FHOD3: variants seen among roughly 807,000 people sequenced by gnomAD.
The protein encoded by FHOD3 is FH1/FH2 domain-containing protein 3.
A neutral mutation model predicts 173.0 loss-of-function variants in FHOD3; 90 were observed. The observed-to-expected ratio is 0.52, with a 90% CI of 0.44 to 0.62. The LOEUF (loss-of-function observed/expected upper bound fraction) is 0.62. Ranked by LOEUF, FHOD3 falls within the 20% of genes least tolerant of loss-of-function variation. The probability of loss-of-function intolerance (pLI) is 0.00; values close to 1 mark genes in which losing one functional copy is unlikely to be tolerated. For synonymous variants in FHOD3, 828 were observed against 823.0 expected (o/e 1.01, Z -0.10); for missense variants, 1,945 against 2,034.7 (o/e 0.96, Z 0.85).
Position 36,345,501 on chromosome 18 carries a change from C to T in FHOD3, c.166-10038C>T, listed in dbSNP as rs11665026. On this transcript the variant is annotated intron_variant, in intron 1 of 28. Transcript: ENST00000590592. ...TTGCCCAGGCTAGAGTGCAGTGGCA[C>T]GATCATAGCTGACTGCAACCTTGAA... 7.5e-3 allele frequency among the ~76,000 whole-genome samples: 1,147 copies of T among 152,218 alleles called. 11 individuals carry two copies. Among genetic ancestry groups the T allele is most frequent in the Middle Eastern group, 0.024 (7 of 294 alleles).
At chr18:36,615,550 G>A (rs949176519) in intron 9 of FHOD3, among the ~76,000 whole-genome samples, 2 of 152,120 alleles carry the variant, frequency 1.3e-5, no homozygotes, top group Admixed American at 1.3e-4. Flanking sequence ...AATCTTATTA[G>A]CAAACATGTT....
intron 7 of FHOD3, 136 bp downstream of exon 7, chr18:36,595,034 T>A: frequency 1.7e-6 from 1 of 597,484 alleles, no homozygotes; most frequent in Non-Finnish European, 2.9e-6. Context: ...GCAAGAAACG[T>A]TTTTTAGGAT....
intron 3 of FHOD3, among the ~76,000 whole-genome samples, chr18:36,452,185 C>G (rs1164310989): frequency 1.3e-5 from 2 of 152,104 alleles, no homozygotes; most frequent in Non-Finnish European, 2.9e-5. Context: ...TGCTGGGTAT[C>G]TTAAGACTTT....
chr18:36,298,026 CCCCCTGG>C, intron 1 of FHOD3, 26 bp downstream of exon 1: 2 of 1,481,956 alleles, frequency 1.3e-6, no homozygotes, highest in Non-Finnish European at 1.8e-6. Flanking sequence ...GTGGGCTGGG[CCCCCTGG>C]ACTCAGCCCC....
At chr18:36,482,854 C>CAGAGAGAG (rs1405818047) in intron 3 of FHOD3, among the ~76,000 whole-genome samples, 31 of 97,892 alleles carry the variant, frequency 3.2e-4, no homozygotes, top group African/African-American at 1.2e-3. Flanking sequence ...CACTCACACA[C>CAGAGAGAG]ACACAGAGAG....
At chr18:36,587,820 G>T (rs1379083725) in intron 6 of FHOD3, among the ~76,000 whole-genome samples, 3 of 152,130 alleles carry the variant, frequency 2.0e-5, no homozygotes, top group African/African-American at 4.8e-5. Context: ...ACTATTTATT[G>T]TTATTTTTAA....
At chr18:36,662,570 G>A (rs928556262) in intron 14 of FHOD3, among the ~76,000 whole-genome samples, 1 of 152,196 alleles carries the variant, frequency 6.6e-6, no homozygotes, top group Non-Finnish European at 1.5e-5. Flanking sequence ...CTTGGGAATT[G>A]TCTTTCTCAT....
chr18:36,338,245 A>G (rs922050556), intron 1 of FHOD3, among the ~76,000 whole-genome samples: 3 of 152,206 alleles, frequency 2.0e-5, no homozygotes, highest in Admixed American at 1.3e-4. Context: ...CCAGATATGT[A>G]GCAGAAATGA....
chr18:36,439,725 A>AT (rs2051027591), intron 3 of FHOD3, among the ~76,000 whole-genome samples: 1 of 152,130 alleles, frequency 6.6e-6, no homozygotes, highest in South Asian at 2.1e-4. Flanking sequence ...ACCTCTCAGT[A>AT]TGAGGCCATA....
intron 19 of FHOD3, among the ~76,000 whole-genome samples, chr18:36,719,419 A>G (rs1341694475): frequency 7.7e-6 from 1 of 130,298 alleles, no homozygotes; most frequent in African/African-American, 2.9e-5. Context: ...GTTAATTTAC[A>G]CTGATAAACT....
chr18:36,378,381 T>C (rs2047552529), intron 3 of FHOD3, among the ~76,000 whole-genome samples: 4 of 152,136 alleles, frequency 2.6e-5, no homozygotes, highest in Admixed American at 2.6e-4. Flanking sequence ...CCTCACATCA[T>C]CTGTTTCCCA....
At chr18:36,604,335 G>A (rs2031813286) in intron 8 of FHOD3, among the ~76,000 whole-genome samples, 1 of 152,170 alleles carries the variant, frequency 6.6e-6, no homozygotes. Flanking sequence ...GATGAAGTGG[G>A]GATAAGTTTG....
chr18:36,312,335 T>C (rs1383258149), intron 1 of FHOD3, among the ~76,000 whole-genome samples: 17 of 152,126 alleles, frequency 1.1e-4, no homozygotes, highest in Admixed American at 1.1e-3. Context: ...CTCCTCACAG[T>C]CACCCTCTTT....
intron 1 of FHOD3, among the ~76,000 whole-genome samples, chr18:36,316,876 C>T (rs1247070275): frequency 6.6e-6 from 1 of 152,102 alleles, no homozygotes; most frequent in African/African-American, 2.4e-5. Context: ...TCCCACAGCC[C>T]CCCCACCCCC....
intron 1 of FHOD3, among the ~76,000 whole-genome samples, 157 bp from the exon 2 acceptor site, chr18:36,355,382 T>C (rs1392083876): frequency 6.6e-6 from 1 of 152,208 alleles, no homozygotes; most frequent in East Asian, 1.9e-4. Flanking sequence ...TTGTTCCCGA[T>C]CTATTTGCAC....
intron 1 of FHOD3, among the ~76,000 whole-genome samples, chr18:36,306,321 C>A (rs980108964): frequency 1.3e-5 from 2 of 152,162 alleles, no homozygotes; most frequent in African/African-American, 4.8e-5. Flanking sequence ...GGGCTCTGGG[C>A]TCCATTGTCT....
intron 19 of FHOD3, among the ~76,000 whole-genome samples, chr18:36,727,610 C>T (rs1212367235): frequency 1.3e-5 from 2 of 152,146 alleles, no homozygotes; most frequent in Non-Finnish European, 2.9e-5. Flanking sequence ...CTCCCATGAT[C>T]TTGGGGTGCT....
chr18:36,476,024 A>G (rs2053556344), intron 3 of FHOD3, among the ~76,000 whole-genome samples: 1 of 152,206 alleles, frequency 6.6e-6, no homozygotes, highest in African/African-American at 2.4e-5. Context: ...TATTTTTAAA[A>G]GCATTTCACT....
intron 6 of FHOD3, among the ~76,000 whole-genome samples, chr18:36,577,018 G>A (rs11081952): frequency 0.27 from 40,848 of 151,568 alleles, 5,958 homozygotes; most frequent in East Asian, 0.35. Flanking sequence ...ACTTGAACCC[G>A]GGAGGCAGAG....
Sources: allele counts gnomAD v4.1 joint callset (sites outside exome capture counted in the v4.1 genomes callset), GRCh38; gene constraint gnomAD v4.1.1; transcripts MANE v1.5; gene names NCBI Gene and HGNC (gene_info 2026-07-23, HGNC 2026-07-21).